Variants in RFC3 observed in about 807,000 individuals in gnomAD.
RFC3 encodes the protein replication factor C subunit 3, also known as A1 38 kDa subunit.
Under a neutral mutation model 45.1 loss-of-function variants are expected in RFC3, and 41 were observed. The ratio of observed to expected loss-of-function variants is 0.91; its 90% CI spans 0.71 to 1.18. The LOEUF is 1.18. Ranked by LOEUF, RFC3 falls within the 50% of genes most tolerant of loss-of-function variation. The pLI is 0.00. For missense variants in RFC3, 423 were observed against 428.1 expected (o/e 0.99, Z 0.10); for synonymous variants, 149 against 144.0 (o/e 1.03, Z -0.25).
intron 3 of RFC3, 121 bp from the exon 4 acceptor site, chr13:33,825,668 A>G (rs1306353874): frequency 2.2e-6 from 1 of 458,916 alleles, no homozygotes; most frequent in East Asian, 3.5e-5. Flanking sequence ...TGAAGGGCTT[A>G]TAATTATAGT....
rs142393591 is a variant in RFC3 at position 33,890,165 on chromosome 13, T to G, written c.879+54948T>G. 5.0e-3 allele frequency among the ~76,000 whole-genome samples: 764 copies of G among 152,146 alleles called. 7 individuals are homozygous for G. The highest frequency in any genetic ancestry group is 0.018 in the African/African-American group (738 of 41,502). ...GGTTCAGTATGTAAACTGTGTGGGG[T>G]GGGTAGGGTCCCAGCTTTGACTTGA... On this transcript the variant is annotated intron_variant, in intron 8 of 8. Transcript: ENST00000434425.
At chr13:33,922,949 G>A (rs1220973869) in intron 8 of RFC3, among the ~76,000 whole-genome samples, 1 of 152,148 alleles carries the variant, frequency 6.6e-6, no homozygotes, top group Non-Finnish European at 1.5e-5. Flanking sequence ...CTGGCATACA[G>A]TAAGTGTTCA....
At chr13:33,843,958 C>A (rs1480755800) in intron 8 of RFC3, among the ~76,000 whole-genome samples, 1 of 152,154 alleles carries the variant, frequency 6.6e-6, no homozygotes, top group Non-Finnish European at 1.5e-5. Flanking sequence ...CCTATATTCT[C>A]CTAATACGGT....
intron 8 of RFC3, among the ~76,000 whole-genome samples, chr13:33,902,613 G>A (rs2082648505): frequency 6.6e-6 from 1 of 151,976 alleles, no homozygotes; most frequent in Non-Finnish European, 1.5e-5. Flanking sequence ...AAGCCTATCA[G>A]TTATACTTCC....
chr13:33,820,453 G>A (rs1214931798), intron 1 of RFC3, among the ~76,000 whole-genome samples: 1 of 152,208 alleles, frequency 6.6e-6, no homozygotes, highest in Non-Finnish European at 1.5e-5. Flanking sequence ...CACCCTTTGG[G>A]TGGGTTAACA....
At chr13:33,943,513 G>T (rs1239027691) in intron 8 of RFC3, among the ~76,000 whole-genome samples, 2 of 152,172 alleles carry the variant, frequency 1.3e-5, no homozygotes, top group Non-Finnish European at 2.9e-5. Flanking sequence ...AAGACATGAT[G>T]AATATTTGAG....
chr13:33,900,167 A>T (rs2082630708), intron 8 of RFC3, among the ~76,000 whole-genome samples: 1 of 152,036 alleles, frequency 6.6e-6, no homozygotes. Context: ...TCACAGAAAT[A>T]CAAAAAGCAA....
At chr13:33,878,476 C>G (rs927549963) in intron 8 of RFC3, among the ~76,000 whole-genome samples, 1 of 152,014 alleles carries the variant, frequency 6.6e-6, no homozygotes, top group Non-Finnish European at 1.5e-5. Context: ...GAAGAGGGAA[C>G]GATTCAAGGA....
chr13:33,847,769 T>C (rs2082248871), intron 8 of RFC3: 1 of 152,248 alleles, frequency 6.6e-6, no homozygotes, highest in South Asian at 2.1e-4. Flanking sequence ...GATGTATGTA[T>C]GTGTGCATCT....
chr13:33,953,996 C>A (rs1032314432), intron 8 of RFC3, among the ~76,000 whole-genome samples: 16 of 152,238 alleles, frequency 1.1e-4, no homozygotes, highest in Admixed American at 1.0e-3. Context: ...GATGAGAAGA[C>A]CTCAGGCATG....
At chr13:33,959,923 A>G (rs1477394313) in intron 8 of RFC3, among the ~76,000 whole-genome samples, 1 of 152,190 alleles carries the variant, frequency 6.6e-6, no homozygotes, top group African/African-American at 2.4e-5. Flanking sequence ...GGGACAGCTC[A>G]GGAAGGTTTT....
chr13:33,947,183 A>G lies in RFC3; in HGVS notation c.880-18904A>G, dbSNP rs185318553. ...ATAATCCCCAAATGTCAATGTGTCAAGGGTAGGACCAGGTGGAGGTAATTG... is the reference window on the plus strand; with the variant it reads ...ATAATCCCCAAATGTCAATGTGTCAGGGGTAGGACCAGGTGGAGGTAATTG... On this transcript the variant is annotated intron_variant, in intron 8 of 8. Transcript: ENST00000434425. Among the ~76,000 whole-genome samples, 65 of 152,288 alleles carry G rather than the reference A, an allele frequency of 4.3e-4. 1 individual carries two copies. The highest frequency in any genetic ancestry group is 8.5e-4 in the Non-Finnish European group (58 of 68,014).
chr13:33,875,273 C>A (rs1055171752), intron 8 of RFC3, among the ~76,000 whole-genome samples: 1 of 152,064 alleles, frequency 6.6e-6, no homozygotes, highest in African/African-American at 2.4e-5. Flanking sequence ...TAGAGGGGGC[C>A]ACAGGGTGCA....
chr13:33,893,719 A>G (rs186700655), intron 8 of RFC3, among the ~76,000 whole-genome samples: 75 of 152,260 alleles, frequency 4.9e-4, no homozygotes, highest in African/African-American at 1.7e-3. Context: ...TGGAACTGAG[A>G]AATACATTTG....
rs568318057 is a variant in RFC3 at position 33,893,745 on chromosome 13, T to C, written c.879+58528T>C. Among the ~76,000 whole-genome samples the C allele has an allele frequency of 3.3e-5, 5 of 152,080 alleles. No individual in the cohort carries two copies. The South Asian group carries it at 1.0e-3, about 32-fold the overall frequency. On this transcript the variant is annotated intron_variant, in intron 8 of 8. Coordinates refer to the RFC3 transcript ENST00000434425. ...AATACATTTGCTGAATTGAAAAATT[T>C]ATTAGAGGCTCTCAACAGCAGAATG...
In RFC3 at chr13:33,836,259, G is replaced by A. The variant is rs373451224; in HGVS notation, c.1035G>A (p.Lys345=). The A allele has an allele frequency of 3.1e-6, 5 of 1,613,300 alleles. No homozygotes were observed. The highest frequency in any genetic ancestry group is 1.7e-4 in the Middle Eastern group (1 of 6,058). Residue 345 remains lysine, a synonymous_variant, in exon 9 of 9, where the codon AAG becomes AAA. Transcript: ENST00000380071. The part of the protein sequence containing the change: ...FVAKFMALYK[K]FMEDGLEGMM... ...CCAAATTCATGGCACTTTATAAGAA[G>A]TTCATGGAGGATGGATTGGAAGGCA...
At chr13:33,857,763 T>G (rs2082317081) in intron 8 of RFC3, among the ~76,000 whole-genome samples, 2 of 152,170 alleles carry the variant, frequency 1.3e-5, no homozygotes, top group South Asian at 4.1e-4. Flanking sequence ...TATTGTATAT[T>G]TCTGTTCTGG....
downstream of RFC3, among the ~76,000 whole-genome samples, chr13:33,840,677 A>G (rs562750841): frequency 2.7e-5 from 4 of 149,042 alleles, no homozygotes; most frequent in African/African-American, 9.8e-5. Context: ...AACTGTGTGT[A>G]TCCATTTATA....
intron 8 of RFC3, among the ~76,000 whole-genome samples, chr13:33,900,283 A>G (rs113513037): frequency 0.016 from 2,498 of 152,176 alleles, 59 homozygotes; most frequent in African/African-American, 0.05. Flanking sequence ...AAAATTTACT[A>G]CAAACCTATA....
Sources: allele counts gnomAD v4.1 joint callset (sites outside exome capture counted in the v4.1 genomes callset), GRCh38; gene constraint gnomAD v4.1.1; transcripts MANE v1.5; gene names NCBI Gene and HGNC (gene_info 2026-07-23, HGNC 2026-07-21).